Variants in DGKB observed in about 807,000 individuals in gnomAD.
DGKB encodes the protein diacylglycerol kinase beta.
Under a neutral mutation model 114.3 loss-of-function variants are expected in DGKB, and 67 were observed. The observed-to-expected ratio is 0.59, with a 90% CI of 0.48 to 0.72. The LOEUF (loss-of-function observed/expected upper bound fraction) is 0.72, where lower values mean the gene tolerates loss of function less well. DGKB is among the 30% of genes least tolerant of loss of function. The pLI is 0.00. For synonymous variants in DGKB, 398 were observed against 323.1 expected (o/e 1.23, Z -2.49); for missense variants, 907 against 975.2 (o/e 0.93, Z 0.93).
intron 13 of DGKB, among the ~76,000 whole-genome samples, chr7:14,631,235 A>G (rs1326850203): frequency 2.0e-5 from 3 of 147,614 alleles, no homozygotes; most frequent in Non-Finnish European, 4.5e-5. Flanking sequence ...TCCCTTACCC[A>G]GGAGAACTTT....
At chr7:14,808,402 A>T (rs1410961708) in intron 2 of DGKB, among the ~76,000 whole-genome samples, 1 of 152,072 alleles carries the variant, frequency 6.6e-6, no homozygotes, top group Non-Finnish European at 1.5e-5. Flanking sequence ...ACTATTCAAA[A>T]ATCACACATT....
chr7:14,923,768 G>A (rs979554689), intron 1 of DGKB, among the ~76,000 whole-genome samples: 29 of 152,090 alleles, frequency 1.9e-4, no homozygotes, highest in African/African-American at 5.5e-4. Context: ...GCCAAGGCGG[G>A]CGAATCACCT....
intron 20 of DGKB, among the ~76,000 whole-genome samples, chr7:14,517,076 C>A (rs1200664790): frequency 6.6e-6 from 1 of 152,010 alleles, no homozygotes; most frequent in South Asian, 2.1e-4. Context: ...CCACAGTAAC[C>A]CAATCCGCAT....
intron 1 of DGKB, among the ~76,000 whole-genome samples, chr7:14,896,087 A>T (rs983774408): frequency 1.4e-4 from 21 of 151,782 alleles, no homozygotes; most frequent in African/African-American, 4.6e-4. Flanking sequence ...AGTTTGATCT[A>T]GAAACTAATA....
intron 1 of DGKB, among the ~76,000 whole-genome samples, chr7:14,910,075 G>T (rs888599183): frequency 6.6e-6 from 1 of 151,730 alleles, no homozygotes; most frequent in African/African-American, 2.4e-5. Context: ...AGGCATGGTG[G>T]TTCATGCCTG....
At chr7:14,630,799 G>C (rs959161892) in intron 13 of DGKB, among the ~76,000 whole-genome samples, 5 of 151,800 alleles carry the variant, frequency 3.3e-5, no homozygotes, top group Non-Finnish European at 5.9e-5. Context: ...TTTTACTTGA[G>C]AGTAATTTTT....
At chr7:14,850,363 C>T (rs1456395206) in intron 1 of DGKB, among the ~76,000 whole-genome samples, 1 of 151,898 alleles carries the variant, frequency 6.6e-6, no homozygotes, top group Non-Finnish European at 1.5e-5. Flanking sequence ...GTAGAAATTA[C>T]TGGAATCGAT....
chr7:14,779,362 C>T (rs1386916715), intron 2 of DGKB, among the ~76,000 whole-genome samples: 1 of 151,824 alleles, frequency 6.6e-6, no homozygotes, highest in African/African-American at 2.4e-5. Flanking sequence ...ATGGTGAAAC[C>T]TGGTCTCTAT....
At chr7:14,573,831 G>GT (rs1798730760) in intron 20 of DGKB, among the ~76,000 whole-genome samples, 1 of 151,946 alleles carries the variant, frequency 6.6e-6, no homozygotes, top group African/African-American at 2.4e-5. Flanking sequence ...GCATCTCAAA[G>GT]TAAGATAAAA....
At chr7:14,781,777 T>C (rs1839133113) in intron 2 of DGKB, among the ~76,000 whole-genome samples, 1 of 152,192 alleles carries the variant, frequency 6.6e-6, no homozygotes, top group Non-Finnish European at 1.5e-5. Context: ...CTTATCCTCA[T>C]TACTGTACCC....
chr7:14,211,296 A>ATTTACTCTCGTGTTTTGTGAT (rs1562626998), intron 23 of DGKB, among the ~76,000 whole-genome samples: 1,538 of 118,504 alleles, frequency 0.013, 344 homozygotes, highest in African/African-American at 0.037. Context: ...ACTATGTGAT[A>ATTTACTCTCGTGTTTTGTGAT]TTTACTCTCA....
chr7:14,741,519 G>T (rs140086637), intron 4 of DGKB, among the ~76,000 whole-genome samples: 1 of 152,170 alleles, frequency 6.6e-6, no homozygotes, highest in African/African-American at 2.4e-5. Context: ...TTTTGTCTCC[G>T]CTATTTTACG....
At chr7:14,292,066 A>G (rs944435521) in intron 23 of DGKB, among the ~76,000 whole-genome samples, 1 of 152,150 alleles carries the variant, frequency 6.6e-6, no homozygotes, top group Non-Finnish European at 1.5e-5. Flanking sequence ...TAGCACTGGT[A>G]TGGAAAGCAG....
chr7:14,663,554 T>A (rs1413440610), intron 13 of DGKB, among the ~76,000 whole-genome samples: 1 of 151,648 alleles, frequency 6.6e-6, no homozygotes, highest in Non-Finnish European at 1.5e-5. Flanking sequence ...GCTATCATTA[T>A]TCTCTCTTCC....
chr7:14,501,546 T>C (rs1315641791), intron 20 of DGKB, among the ~76,000 whole-genome samples: 1 of 151,692 alleles, frequency 6.6e-6, no homozygotes, highest in Non-Finnish European at 1.5e-5. Flanking sequence ...AACACAAATA[T>C]GTGTCTCTGG....
At chr7:14,914,708 G>A (rs956603651) in intron 1 of DGKB, among the ~76,000 whole-genome samples, 1 of 152,024 alleles carries the variant, frequency 6.6e-6, no homozygotes, top group African/African-American at 2.4e-5. Context: ...TTATTAAATA[G>A]GGAATTTAAA....
At chr7:14,356,618 C>A (rs893972119) in intron 21 of DGKB, among the ~76,000 whole-genome samples, 5 of 152,014 alleles carry the variant, frequency 3.3e-5, no homozygotes, top group South Asian at 2.1e-4. Flanking sequence ...CCTCAGCCTC[C>A]CAAAGTGCTG....
chr7:14,343,502 C>T (rs1240098386), intron 22 of DGKB, among the ~76,000 whole-genome samples: 2 of 151,682 alleles, frequency 1.3e-5, no homozygotes, highest in Non-Finnish European at 2.9e-5. Context: ...AAATCTTTTG[C>T]TGTAAACACA....
intron 23 of DGKB, among the ~76,000 whole-genome samples, chr7:14,261,754 T>C (rs1796812083): frequency 6.6e-6 from 1 of 152,192 alleles, no homozygotes. Context: ...AATAATCTGG[T>C]GATATTTTTG....
Sources: allele counts gnomAD v4.1 joint callset (sites outside exome capture counted in the v4.1 genomes callset), GRCh38; gene constraint gnomAD v4.1.1; transcripts MANE v1.5; gene names NCBI Gene and HGNC (gene_info 2026-07-23, HGNC 2026-07-21).